The following SLC16A1 variants were observed in gnomAD, a reference collection of about 807,000 sequenced individuals.
The protein encoded by SLC16A1 is solute carrier family 16 member 1.
In SLC16A1, 11 loss-of-function variants were observed where a neutral mutation model predicts 32.2. The ratio of observed to expected loss-of-function variants is 0.34; its 90% CI spans 0.21 to 0.56. The LOEUF is 0.56. SLC16A1 is among the 20% of genes least tolerant of loss of function. The pLI, the probability that SLC16A1 is intolerant of heterozygous loss-of-function variation, is 0.87. For synonymous variants in SLC16A1, 231 were observed against 226.8 expected (o/e 1.02, Z -0.17); for missense variants, 435 against 615.0 (o/e 0.71, Z 3.10).
intron 1 of SLC16A1, among the ~76,000 whole-genome samples, chr1:112,953,827 C>T (rs980505276): frequency 7.2e-5 from 11 of 152,176 alleles, no homozygotes; most frequent in African/African-American, 2.7e-4. Flanking sequence ...GAGGTCTAGC[C>T]AAATTGCTTC....
intron 1 of SLC16A1, among the ~76,000 whole-genome samples, chr1:112,951,856 T>C (rs1313819880): frequency 6.6e-6 from 1 of 152,212 alleles, no homozygotes; most frequent in Non-Finnish European, 1.5e-5. Context: ...CTTTAACTTG[T>C]CCTTCCTATT....
Position 112,942,794 on chromosome 1 carries a change from A to G in SLC16A1, c.-45+13241T>C, listed in dbSNP as rs564535902. Among the ~76,000 whole-genome samples the G allele has an allele frequency of 7.9e-5, 12 of 152,332 alleles. No homozygotes were observed. In the South Asian group the frequency reaches 1.9e-3, roughly 24 times the overall value. ...ATACTCTACAATACCCTATGATGCT[A>G]CTATTGTGACCCCAATCCTAATCCT... On this transcript the variant is annotated intron_variant, in intron 1 of 4. Coordinates refer to ENST00000369626, the MANE Select transcript of SLC16A1 (RefSeq NM_003051.4).
intron 1 of SLC16A1, among the ~76,000 whole-genome samples, chr1:112,948,887 G>T (rs555381181): frequency 6.6e-6 from 1 of 151,840 alleles, no homozygotes; most frequent in South Asian, 2.1e-4. Context: ...CTGGAGTGCA[G>T]TGGCGTGATC....
chr1:112,922,411 G>A (rs1417972995), intron 2 of SLC16A1: 11 of 441,302 alleles, frequency 2.5e-5, no homozygotes, highest in Non-Finnish European at 4.6e-5. Context: ...TTATGGCAGG[G>A]CAGGCTGAAA....
At chr1:112,938,457 A>T (rs1447326892) in intron 1 of SLC16A1, among the ~76,000 whole-genome samples, 1 of 152,182 alleles carries the variant, frequency 6.6e-6, no homozygotes, top group Non-Finnish European at 1.5e-5. Context: ...AACAATGAAA[A>T]AATCAAGCAG....
chr1:112,926,683 TG>T (rs935479186), intron 2 of SLC16A1, among the ~76,000 whole-genome samples: 1 of 152,012 alleles, frequency 6.6e-6, no homozygotes, highest in African/African-American at 2.4e-5. Flanking sequence ...AGACCAGCCT[TG>T]GCAACATTGC....
chr1:112,955,821 AAG>A (rs1650072771), intron 1 of SLC16A1: 1 of 151,888 alleles, frequency 6.6e-6, no homozygotes, highest in Non-Finnish European at 1.5e-5. Flanking sequence ...CGGCTCGGCT[AAG>A]AGAGGCGCTG....
intron 1 of SLC16A1, among the ~76,000 whole-genome samples, chr1:112,950,238 T>A (rs1649842539): frequency 6.6e-6 from 1 of 152,164 alleles, no homozygotes; most frequent in African/African-American, 2.4e-5. Flanking sequence ...AAATTTCTCA[T>A]ACAGGAACAG....
At chr1:112,939,771 T>C (rs568365948) in intron 1 of SLC16A1, among the ~76,000 whole-genome samples, 2 of 151,978 alleles carry the variant, frequency 1.3e-5, no homozygotes, top group African/African-American at 4.8e-5. Flanking sequence ...TCCCAAAGTA[T>C]TGGGATTACA....
chr1:112,917,386 A>T lies in SLC16A1; in HGVS notation c.1020T>A (p.Asn340Lys). 1 of 1,614,212 alleles carries T rather than the reference A, an allele frequency of 6.2e-7. No individual in the cohort carries two copies. Among genetic ancestry groups the T allele is most frequent in the Non-Finnish European group, 8.5e-7 (1 of 1,180,026 alleles). ...AAGGTGCTAGCATATGACACACTCCATTTGCAACAACGGAAGCCGCAAAGA... is the reference window on the plus strand; with the variant it reads ...AAGGTGCTAGCATATGACACACTCCTTTTGCAACAACGGAAGCCGCAAAGA... ...QYFFAASVVANGVCHMLAPLS... is the reference protein window; with the variant it reads ...QYFFAASVVAKGVCHMLAPLS... Residue 340 changes from asparagine (N) to lysine (K), a missense_variant, in exon 4 of 5, where the codon AAT (asparagine) becomes AAA (lysine). Transcript: ENST00000369626. The surrounding 1 kb of genome is among the most constrained non-coding windows in gnomAD (Gnocchi z 4.1).
intron 1 of SLC16A1, among the ~76,000 whole-genome samples, chr1:112,941,094 A>C (rs981169946): frequency 1.3e-5 from 2 of 152,176 alleles, no homozygotes; most frequent in Non-Finnish European, 2.9e-5. Flanking sequence ...TTCTATGCTT[A>C]CTTCCTGGGT....
intron 2 of SLC16A1, chr1:112,924,281 T>G: frequency 6.9e-7 from 1 of 1,446,876 alleles, no homozygotes; most frequent in Admixed American, 1.7e-5. Context: ...AGCCAGATGT[T>G]GTGGAGGCCT....
chr1:112,913,850 T>G lies in SLC16A1; in HGVS notation c.*41A>C. 1 of 1,612,510 alleles carries G rather than the reference T, an allele frequency of 6.2e-7. No individual in the cohort carries two copies. Among genetic ancestry groups the G allele is most frequent in the Non-Finnish European group, 8.5e-7 (1 of 1,178,554 alleles). Reference sequence around the variant, plus strand: ...GCCAGTAGAATATTTTCAGATATCCTGGGTCATGAACTGCTCAATTTACCC... The same window carrying G: ...GCCAGTAGAATATTTTCAGATATCCGGGGTCATGAACTGCTCAATTTACCC... On this transcript the variant is annotated 3_prime_UTR_variant, in exon 5 of 5. Coordinates refer to ENST00000369626, the MANE Select transcript of SLC16A1 (RefSeq NM_003051.4).
At chr1:112,941,723 A>G (rs192708671) in intron 1 of SLC16A1, among the ~76,000 whole-genome samples, 1 of 152,346 alleles carries the variant, frequency 6.6e-6, no homozygotes, top group Admixed American at 6.5e-5. Flanking sequence ...AACATACGAA[A>G]GCTAACATTT....
chr1:112,940,136 C>T (rs915141849), intron 1 of SLC16A1, among the ~76,000 whole-genome samples: 1 of 148,828 alleles, frequency 6.7e-6, no homozygotes, highest in Non-Finnish European at 1.5e-5. Context: ...CTCCTGGGCT[C>T]AAGTGATCCT....
intron 1 of SLC16A1, among the ~76,000 whole-genome samples, chr1:112,932,792 G>C (rs1411808018): frequency 5.1e-5 from 1 of 19,638 alleles, no homozygotes; most frequent in Admixed American, 6.2e-4. Context: ...AGACTCCGTC[G>C]CAAAAAAAAA....
chr1:112,929,670 AC>A (rs1649062055), intron 1 of SLC16A1, among the ~76,000 whole-genome samples: 1 of 152,044 alleles, frequency 6.6e-6, no homozygotes, highest in Non-Finnish European at 1.5e-5. Flanking sequence ...ACATAAGTAG[AC>A]CCCAACTTTA....
chr1:112,922,907 G>C (rs972983726), intron 2 of SLC16A1, among the ~76,000 whole-genome samples: 1 of 152,136 alleles, frequency 6.6e-6, no homozygotes, highest in African/African-American at 2.4e-5. Context: ...CATAAATGTG[G>C]TTTGTGGTGT....
At chr1:112,943,935 G>A (rs1324084977) in intron 1 of SLC16A1, among the ~76,000 whole-genome samples, 1 of 151,982 alleles carries the variant, frequency 6.6e-6, no homozygotes, top group East Asian at 1.9e-4. Flanking sequence ...TGGAGTAAAG[G>A]CAGTAAAAGA....
Sources: gnomAD v4.1 joint callset for allele counts (sites outside exome capture counted in the v4.1 genomes callset) on GRCh38, gnomAD v4.1.1 for gene constraint, Gnocchi (gnomAD v3.1) non-coding constraint, MANE v1.5 for transcripts, NCBI Gene and HGNC (gene_info 2026-07-23, HGNC 2026-07-21) for gene names.